The following OR8G1 variants were observed in gnomAD, a reference collection of about 807,000 sequenced individuals.
OR8G1 encodes the protein olfactory receptor 8G1.
For missense variants in OR8G1, 372 were observed against 356.2 expected (o/e 1.04, Z -0.36); for synonymous variants, 129 against 133.3 (o/e 0.97, Z 0.22).
In OR8G1 at chr11:124,250,267, C is replaced by G; in HGVS notation, c.592C>G (p.Leu198Val). Residue 198 changes from leucine to valine, a missense_variant, in exon 3 of 3, where the codon CTT (leucine) becomes GTT (valine). Leu to Val is a conservative substitution (Grantham distance 32). Transcript: ENST00000641972. Reference sequence around the variant, plus strand: ...CTCTAGTATCTATGTCAACAAACTACTTATTCTATGTGTTGGTGCATTTAA... The same window carrying G: ...CTCTAGTATCTATGTCAACAAACTAGTTATTCTATGTGTTGGTGCATTTAA... The part of the protein sequence containing the change: ...SCSSIYVNKL[L>V]ILCVGAFNIL... The G allele has an allele frequency of 1.2e-6, 2 of 1,613,754 alleles. No individual in the cohort carries two copies. The highest frequency in any genetic ancestry group is 1.7e-6 in the Non-Finnish European group (2 of 1,179,822).
intron 1 of OR8G1, among the ~76,000 whole-genome samples, chr11:124,244,431 C>CGTTTA: frequency 6.6e-6 from 1 of 151,812 alleles, no homozygotes; most frequent in Admixed American, 6.6e-5. Flanking sequence ...TAAATATGTC[C>CGTTTA]TACATCTGGC....
chr11:124,244,694 A>C (rs1861795246), intron 1 of OR8G1, among the ~76,000 whole-genome samples: 4 of 151,950 alleles, frequency 2.6e-5, no homozygotes, highest in Non-Finnish European at 5.9e-5. Flanking sequence ...TGGAGTGTGA[A>C]GGCTAGCACA....
intron 2 of OR8G1, among the ~76,000 whole-genome samples, chr11:124,248,363 GTTTT>G (rs1261183655): frequency 6.6e-6 from 1 of 151,468 alleles, no homozygotes; most frequent in Non-Finnish European, 1.5e-5. Flanking sequence ...TATTTGTATG[GTTTT>G]TTGTTTGTTT....
At position 124,253,790 on chromosome 11, in the gene OR8G1, G is replaced by A. The variant is rs1861885426; in HGVS notation, c.*3179G>A. ...AGTTCAGCATTTTTAGATTCCACAT[G>A]TATGTGAGATCATGTAGTATTTGTC... On this transcript the variant is annotated 3_prime_UTR_variant, in exon 3 of 3. Coordinates refer to ENST00000641972, the MANE Select transcript of OR8G1 (RefSeq NM_001002905.2). 7 of 152,048 alleles carry A rather than the reference G, an allele frequency of 4.6e-5. No individual in the cohort carries two copies. Among genetic ancestry groups the A allele is most frequent in the Admixed American group, 4.6e-4 (7 of 15,258 alleles). 9.4% of individuals were successfully genotyped at this position (152,048 alleles called of 1,614,324 possible). A position where few individuals can be genotyped will look rare whatever the true frequency, so the allele number is the denominator to read the frequency against.
Position 124,254,283 on chromosome 11 carries a change from T to G in OR8G1, c.*3672T>G, listed in dbSNP as rs1025124643. The G allele has an allele frequency of 9.2e-5, 14 of 152,164 alleles. No homozygotes were observed. The highest frequency in any genetic ancestry group is 2.9e-4 in the African/African-American group (12 of 41,454). The allele number at this position is 152,164 out of a possible 1,614,324, so 9.4% of individuals were successfully genotyped here. A position where few individuals can be genotyped will look rare whatever the true frequency, so the allele number is the denominator to read the frequency against. On this transcript the variant is annotated 3_prime_UTR_variant, in exon 3 of 3. Coordinates refer to ENST00000641972, the MANE Select transcript of OR8G1 (RefSeq NM_001002905.2). ...GTAGTTTCTCTGCAATTTGATGATT[T>G]GTAATTTTGAACACTTTTTCATATA... is the stretch of plus-strand genomic sequence containing the variant.
Position 124,250,092 on chromosome 11 carries a change from G to C in OR8G1, c.417G>C (p.Lys139Asn). 6.2e-7 allele frequency: 1 copy of C among 1,613,716 alleles called. No individual in the cohort carries two copies. The highest frequency in any genetic ancestry group is 1.7e-4 in the Middle Eastern group (1 of 6,060). Residue 139 changes from lysine to asparagine, a missense_variant, in exon 3 of 3, where the codon AAG (lysine) becomes AAC (asparagine). Coordinates refer to ENST00000641972, the MANE Select transcript of OR8G1 (RefSeq NM_001002905.2). The part of the protein sequence containing the change: ...PLLYSVIISN[K>N]ACFSLILGVY... ...TGTACAGTGTCATCATATCCAATAA[G>C]GCTTGCTTTTCTCTGATTTTAGGGG...
At chr11:124,243,044 A>G (rs1242565150) in intron 1 of OR8G1, among the ~76,000 whole-genome samples, 1 of 150,738 alleles carries the variant, frequency 6.6e-6, no homozygotes, top group Non-Finnish European at 1.5e-5. Flanking sequence ...AACTCTTCCC[A>G]GCTGTAATCC....
rs1330108842 is a variant in OR8G1 at position 124,253,002 on chromosome 11, G to A, written c.*2391G>A. 1 of 152,108 alleles carries A rather than the reference G, an allele frequency of 6.6e-6. No individual in the cohort carries two copies. Among genetic ancestry groups the A allele is most frequent in the African/African-American group, 2.4e-5 (1 of 41,434 alleles). The allele number at this position is 152,108 out of a possible 1,614,324, so 9.4% of individuals were successfully genotyped here. The stretch of plus-strand genomic sequence containing the variant: ...AATTGAACCACCATTGCTCATACCA[G>A]CTTTTCAATAACATACTCCAATATT... On this transcript the variant is annotated 3_prime_UTR_variant, in exon 3 of 3. Transcript: ENST00000641972.
rs182558690 is a variant in OR8G1 at position 124,250,473 on chromosome 11, C to A, written c.798C>A (p.Ser266Arg). The A allele has an allele frequency of 6.2e-7, 1 of 1,613,710 alleles. No individual in the cohort carries two copies. The change falls in exon 3 of 3, where the codon AGC (serine) becomes AGA (arginine). Residue 266 changes from serine (S) to arginine (R), a missense_variant. Transcript: ENST00000641972. ...TGTACTTGCAGCCATCTTCAATCAG[C>A]TCCATGGACCAGGGGAAAGTATCCT... The part of the protein sequence containing the change: ...AFMYLQPSSI[S>R]SMDQGKVSSV...
At position 124,249,917 on chromosome 11, in the gene OR8G1, T is replaced by C. The variant is rs1337075661; in HGVS notation, c.242T>C (p.Met81Thr). 17 of 1,613,960 alleles carry C rather than the reference T, an allele frequency of 1.1e-5. No individual in the cohort carries two copies. The highest frequency in any genetic ancestry group is 1.4e-5 in the Non-Finnish European group (16 of 1,179,982). Residue 81 changes from methionine to threonine, a missense_variant, in exon 3 of 3, where the codon ATG becomes ACG. Transcript: ENST00000641972. ...FCHSTVITPK[M>T]LVNFVTEKNI... ...CATTCCACTGTCATTACCCCTAAGA[T>C]GCTGGTGAACTTTGTGACAGAGAAG...
Position 124,251,441 on chromosome 11 carries a change from A to G in OR8G1, c.*830A>G, listed in dbSNP as rs1861866799. ...CTAATTTAATTTATATTTCAAGTTG[A>G]TTAAAATTTACTTTAGAAGGTTCTT... On this transcript the variant is annotated 3_prime_UTR_variant, in exon 3 of 3. Coordinates refer to ENST00000641972, the MANE Select transcript of OR8G1 (RefSeq NM_001002905.2). 1 of 937,426 alleles carries G rather than the reference A, an allele frequency of 1.1e-6. No individual in the cohort carries two copies. Among genetic ancestry groups the G allele is most frequent in the Admixed American group, 3.3e-5 (1 of 30,752 alleles). The allele number at this position is 937,426 out of a possible 1,614,324, so 58.1% of individuals were successfully genotyped here.
chr11:124,247,170 T>C (rs549999541), intron 1 of OR8G1, among the ~76,000 whole-genome samples: 1 of 151,800 alleles, frequency 6.6e-6, no homozygotes, highest in African/African-American at 2.4e-5. Flanking sequence ...ATAAAGTTTT[T>C]AGAAACAACT....
intron 1 of OR8G1, among the ~76,000 whole-genome samples, chr11:124,246,638 A>G (rs993750818): frequency 6.6e-6 from 1 of 151,848 alleles, no homozygotes; most frequent in African/African-American, 2.4e-5. Context: ...CACTATGCAC[A>G]AGAAAAATCT....
rs61435599 is a variant in OR8G1, at chr11:124,241,819, G to A, written c.-97+455G>A. 6.9e-3 allele frequency among the ~76,000 whole-genome samples: 1,044 copies of A among 152,164 alleles called. 8 individuals are homozygous for A. Among genetic ancestry groups the A allele is most frequent in the African/African-American group, 0.024 (989 of 41,530 alleles). ...ACAGACTCTAGGAACTGAAAGAAGC[G>A]AAGTGTTCCTGTAGCCAAGGAGGAG... On this transcript the variant is annotated intron_variant, in intron 1 of 2. Coordinates refer to ENST00000641972, the MANE Select transcript of OR8G1 (RefSeq NM_001002905.2).
intron 1 of OR8G1, among the ~76,000 whole-genome samples, chr11:124,245,708 A>G (rs1326115797): frequency 5.2e-5 from 7 of 135,444 alleles, no homozygotes; most frequent in Admixed American, 1.5e-4. Flanking sequence ...TTGCCATTCT[A>G]ACTGGTGTGA....
In OR8G1 at chr11:124,249,677, TGTCAGGAGAAAA is replaced by T; in HGVS notation, c.3_14del (p.MetSerGlyGluAsn1_?5). 1 of 1,612,678 alleles carries T rather than the reference TGTCAGGAGAAAA, an allele frequency of 6.2e-7. No individual in the cohort carries two copies. The highest frequency in any genetic ancestry group is 1.1e-5 in the South Asian group (1 of 90,984). ...TCCTGCAGAAACTGACTGGAGGAGA[TGTCAGGAGAAAA>T]TAATTCCTCAGTGACTGAGTTCATT... On this transcript the variant is annotated start_lost and inframe_deletion, in exon 3 of 3. Coordinates refer to ENST00000641972, the MANE Select transcript of OR8G1 (RefSeq NM_001002905.2).
intron 1 of OR8G1, among the ~76,000 whole-genome samples, chr11:124,243,787 G>T (rs531156621): frequency 2.2e-4 from 33 of 151,998 alleles, no homozygotes; most frequent in Non-Finnish European, 4.4e-4. Context: ...TTTGGCTTCG[G>T]GTCAGTATTC....
At position 124,249,843 on chromosome 11, in the gene OR8G1, C is replaced by A; in HGVS notation, c.168C>A (p.His56Gln). The stretch of plus-strand genomic sequence containing the variant: ...TGATTTGGCTCAGTTCTCACCTGCA[C>A]ACCCCTATGTACTATTTCCTCAGCA... Reference protein sequence around the residue: ...TTLIWLSSHLHTPMYYFLSSL... With the variant: ...TTLIWLSSHLQTPMYYFLSSL... The change falls in exon 3 of 3, where the codon CAC becomes CAA. Residue 56 changes from histidine to glutamine, a missense_variant. Transcript: ENST00000641972. The A allele has an allele frequency of 6.2e-7, 1 of 1,614,000 alleles. No homozygotes were observed. The highest frequency in any genetic ancestry group is 1.1e-5 in the South Asian group (1 of 91,082).
At position 124,251,556 on chromosome 11, in the gene OR8G1, A is replaced by G. The variant is rs1370484311; in HGVS notation, c.*945A>G. 2.8e-6 allele frequency: 1 copy of G among 355,442 alleles called. No homozygotes were observed. The highest frequency in any genetic ancestry group is 2.0e-5 in the African/African-American group (1 of 49,562). The allele number at this position is 355,442 out of a possible 1,614,324, so 22.0% of individuals were successfully genotyped here. A position where few individuals can be genotyped will look rare whatever the true frequency, so the allele number is the denominator to read the frequency against. ...TTCTGTGAAAAATCCCAATGCAGAT[A>G]TGATAACTTGTTAACACCTGATTTT... On this transcript the variant is annotated 3_prime_UTR_variant, in exon 3 of 3. Transcript: ENST00000641972.
Sources: allele counts gnomAD v4.1 joint callset (sites outside exome capture counted in the v4.1 genomes callset), GRCh38; gene constraint gnomAD v4.1.1; transcripts MANE v1.5; gene names NCBI Gene and HGNC (gene_info 2026-07-23, HGNC 2026-07-21).